Variants in CEP126 observed in about 807,000 individuals in gnomAD.
CEP126 encodes centrosomal protein 126, also known as centrosomal protein of 126 kDa.
Under a neutral mutation model 107.8 loss-of-function variants are expected in CEP126, and 74 were observed. The ratio of observed to expected loss-of-function variants is 0.69; its 90% confidence interval spans 0.57 to 0.83. CEP126 has a LOEUF of 0.83. CEP126 is among the 40% of genes least tolerant of loss of function. The pLI is 0.00. For missense variants in CEP126, 1,237 were observed against 1,281.9 expected (o/e 0.96, Z 0.53); for synonymous variants, 449 against 446.0 (o/e 1.01, Z -0.08).
chr11:101,979,865 T>C (rs766034289), intron 7 of CEP126, among the ~76,000 whole-genome samples: 2 of 152,230 alleles, frequency 1.3e-5, no homozygotes, highest in Non-Finnish European at 2.9e-5. Flanking sequence ...GACTTTAGAA[T>C]ATTAAAAGTC....
chr11:101,977,891 T>C (rs1941210784), intron 6 of CEP126, among the ~76,000 whole-genome samples: 1 of 152,168 alleles, frequency 6.6e-6, no homozygotes, highest in African/African-American at 2.4e-5. Flanking sequence ...CCTCTCACGC[T>C]TGGAATTTTA....
chr11:101,920,683 A>C (rs1323388404), intron 1 of CEP126, among the ~76,000 whole-genome samples: 4 of 150,646 alleles, frequency 2.7e-5, no homozygotes, highest in Non-Finnish European at 5.9e-5. Context: ...AGCTCACTGC[A>C]GACTCAACCC....
At chr11:101,956,776 TC>T (rs139058159) in intron 4 of CEP126, 49 of 450,354 alleles carry the variant, frequency 1.1e-4, no homozygotes, top group Middle Eastern at 3.3e-4. Context: ...CCTCTTCCTT[TC>T]CCCCTATTCT....
chr11:101,968,049 A>G (rs886318638), intron 6 of CEP126, among the ~76,000 whole-genome samples: 14 of 152,230 alleles, frequency 9.2e-5, no homozygotes, highest in African/African-American at 2.9e-4. Flanking sequence ...AATTTAATAC[A>G]CAACAAGGAG....
intron 2 of CEP126, among the ~76,000 whole-genome samples, chr11:101,940,168 A>G (rs1017610457): frequency 2.6e-5 from 4 of 152,232 alleles, no homozygotes; most frequent in East Asian, 3.8e-4. Flanking sequence ...ATGCTGCACT[A>G]TCAGCCATGA....
In CEP126 at chr11:101,921,777, CTTTTTTTTTTTTTT is replaced by C. The variant is rs747642967; in HGVS notation, c.129-852_129-839del. 2.7e-3 allele frequency among the ~76,000 whole-genome samples: 150 copies of C among 55,034 alleles called. 4 individuals are homozygous for C. In the East Asian group the frequency reaches 0.044, roughly 16 times the overall value. The allele number at this position is 55,034 out of a possible 152,430, so 36.1% of individuals were successfully genotyped here. On this transcript the variant is annotated intron_variant, in intron 1 of 10. Coordinates refer to ENST00000263468, the MANE Select transcript of CEP126 (RefSeq NM_020802.4). ...CCTCTTTATCTGAAGTTCATGATTT[CTTTTTTTTTTTTTT>C]TTTTTTTTTTTGAGATGGAGTTTCG...
In CEP126 at chr11:101,962,435, C is replaced by CT; in HGVS notation, c.1401dup (p.Asn468Ter). ...GTGGCAACGCCTTTAGTTTTGCCAT[C>CT]TAATATACAGTCAGCTAGACCTTCA... On this transcript the variant is annotated frameshift_variant, in exon 6 of 11. Coordinates refer to ENST00000263468, the MANE Select transcript of CEP126 (RefSeq NM_020802.4). LOFTEE classifies it high-confidence loss of function. 1.9e-6 allele frequency: 3 copies of CT among 1,613,816 alleles called. No individual in the cohort carries two copies. The highest frequency in any genetic ancestry group is 2.5e-6 in the Non-Finnish European group (3 of 1,179,868).
intron 2 of CEP126, among the ~76,000 whole-genome samples, chr11:101,930,327 C>T (rs1444683050): frequency 6.6e-6 from 1 of 152,164 alleles, no homozygotes; most frequent in Non-Finnish European, 1.5e-5. Flanking sequence ...CTCTAGATTA[C>T]TTATAATAAC....
chr11:101,997,842 G>A lies in CEP126; in HGVS notation c.*199G>A, dbSNP rs1251591532. The A allele has an allele frequency of 1.6e-6, 1 of 641,670 alleles. No individual in the cohort carries two copies. Among genetic ancestry groups the A allele is most frequent in the Non-Finnish European group, 2.6e-6 (1 of 383,482 alleles). 39.7% of individuals were successfully genotyped at this position (641,670 alleles called of 1,614,324 possible). A position where few individuals can be genotyped will look rare whatever the true frequency, so the allele number is the denominator to read the frequency against. On this transcript the variant is annotated 3_prime_UTR_variant, in exon 11 of 11. Coordinates refer to ENST00000263468, the MANE Select transcript of CEP126 (RefSeq NM_020802.4). ...GCAGTGAAGTTTAACAGAGTTCTGA[G>A]AATACCATGAAAGACATTATGCCTG...
intron 6 of CEP126, 96 bp downstream of exon 6, chr11:101,963,976 A>G (rs975230369): frequency 1.4e-6 from 1 of 731,834 alleles, no homozygotes; most frequent in South Asian, 1.9e-5. Context: ...TACATACTAC[A>G]TAAATATTAA....
At chr11:101,967,025 C>CTTTTTTTTTTT (rs759877416) in intron 6 of CEP126, among the ~76,000 whole-genome samples, 12 of 107,082 alleles carry the variant, frequency 1.1e-4, no homozygotes, top group East Asian at 4.0e-4. Flanking sequence ...CTCTTTCTTT[C>CTTTTTTTTTTT]TTTTTTTTTT....
chr11:101,983,310 A>G (rs1313697753), intron 8 of CEP126, among the ~76,000 whole-genome samples: 1 of 152,208 alleles, frequency 6.6e-6, no homozygotes, highest in Non-Finnish European at 1.5e-5. Flanking sequence ...AATGACCACA[A>G]TATATGACCT....
intron 5 of CEP126, among the ~76,000 whole-genome samples, chr11:101,959,264 C>T (rs1212291435): frequency 6.6e-6 from 1 of 151,746 alleles, no homozygotes; most frequent in African/African-American, 2.4e-5. Context: ...TCAAGCAGTT[C>T]TCCTGCCTCA....
chr11:101,921,854 C>T (rs187223232), intron 1 of CEP126, among the ~76,000 whole-genome samples: 12 of 124,242 alleles, frequency 9.7e-5, no homozygotes, highest in Admixed American at 3.9e-4. Context: ...GGCGCAATCT[C>T]GGCTCACTGC....
At position 101,962,531 on chromosome 11, in the gene CEP126, A is replaced by G; in HGVS notation, c.1496A>G (p.Asp499Gly). 1 of 1,613,130 alleles carries G rather than the reference A, an allele frequency of 6.2e-7. No homozygotes were observed. The highest frequency in any genetic ancestry group is 8.5e-7 in the Non-Finnish European group (1 of 1,179,586). Residue 499 changes from aspartate (D) to glycine (G), a missense_variant, in exon 6 of 11, where the codon GAT becomes GGT. Asp to Gly is a moderately conservative substitution (Grantham distance 94). Coordinates refer to ENST00000263468, the MANE Select transcript of CEP126 (RefSeq NM_020802.4). ...QCSDKLDELK[D>G]GKEEEIKYFN... ...TCTGATAAGTTAGATGAATTGAAAG[A>G]TGGTAAAGAAGAAGAGATAAAATAT...
intron 2 of CEP126, among the ~76,000 whole-genome samples, chr11:101,935,095 A>G (rs1940556692): frequency 6.6e-6 from 1 of 151,964 alleles, no homozygotes; most frequent in Admixed American, 6.6e-5. Flanking sequence ...CTAAGAATAA[A>G]TTGAGTTTAG....
intron 4 of CEP126, chr11:101,955,910 G>A (rs571278554): frequency 2.2e-6 from 1 of 456,310 alleles, no homozygotes; most frequent in Non-Finnish European, 4.4e-6. Flanking sequence ...CTACCCAACT[G>A]TTTCTCCTGC....
At chr11:101,916,887 A>G (rs1034123045) in intron 1 of CEP126, among the ~76,000 whole-genome samples, 3 of 152,228 alleles carry the variant, frequency 2.0e-5, no homozygotes, top group African/African-American at 7.2e-5. Flanking sequence ...AATAGACTCT[A>G]TTCCAGAATT....
intron 5 of CEP126, among the ~76,000 whole-genome samples, chr11:101,959,868 G>GA (rs1445040765): frequency 6.6e-6 from 1 of 151,886 alleles, no homozygotes; most frequent in Non-Finnish European, 1.5e-5. Flanking sequence ...AAAAAGGCTG[G>GA]AAAAAAATGA....
Sources: gnomAD v4.1 joint callset for allele counts (sites outside exome capture counted in the v4.1 genomes callset) on GRCh38, gnomAD v4.1.1 for gene constraint, MANE v1.5 for transcripts, NCBI Gene and HGNC (gene_info 2026-07-23, HGNC 2026-07-21) for gene names.